Variants in STK31 observed in about 807,000 individuals in gnomAD.
STK31 encodes the protein serine/threonine kinase 31.
Under a neutral mutation model 129.7 loss-of-function variants are expected in STK31, and 89 were observed. That is an observed-to-expected ratio of 0.69 (90% CI 0.58 to 0.82). The LOEUF (loss-of-function observed/expected upper bound fraction) is 0.82. Ranked by LOEUF, STK31 falls within the 40% of genes least tolerant of loss-of-function variation. The pLI is 0.00. For synonymous variants in STK31, 448 were observed against 395.3 expected, an observed-to-expected ratio of 1.13 and a Z score of -1.58; for missense variants, 1,187 against 1,176.4, an observed-to-expected ratio of 1.01 and a Z score of -0.13.
Position 23,739,861 on chromosome 7 carries a change from G to A in STK31, c.1017+2783G>A, listed in dbSNP as rs966967719. On this transcript the variant is annotated intron_variant, in intron 8 of 23. Transcript: ENST00000355870. ...TCTGTTTTGGTACCAGTAGCATGCT[G>A]TTTTGGTTACTGTAGCCTTGTAGTA... Among the ~76,000 whole-genome samples the A allele has an allele frequency of 5.9e-5, 9 of 152,302 alleles. No individual in the cohort carries two copies. In the South Asian group the frequency reaches 1.2e-3, roughly 21 times the overall value.
chr7:23,820,837 A>G (rs1172611460), intron 23 of STK31, among the ~76,000 whole-genome samples: 1 of 152,224 alleles, frequency 6.6e-6, no homozygotes, highest in Non-Finnish European at 1.5e-5. Context: ...TTGTTGCTGA[A>G]AATGACAGAA....
At chr7:23,751,782 A>G (rs752440883) in intron 8 of STK31, among the ~76,000 whole-genome samples, 1 of 152,114 alleles carries the variant, frequency 6.6e-6, no homozygotes, top group Non-Finnish European at 1.5e-5. Context: ...GATCTTTTTG[A>G]TGAATTGACC....
Position 23,785,582 on chromosome 7 carries a change from TG to T in STK31, c.2256del (p.Gln753ArgfsTer2). On this transcript the variant is annotated frameshift_variant, in exon 18 of 24. Coordinates refer to ENST00000355870, the MANE Select transcript of STK31 (RefSeq NM_031414.5). LOFTEE classifies it high-confidence loss of function. ...GTCCTTTGGTACGTTCTGAGGTTAA[TG>T]GGCAGATAATTCTGTTAAAGGTAAG... is the stretch of plus-strand genomic sequence containing the variant. Reference protein sequence around the residue: ...KRPLVRSEVNGQIILLKGYSV... With the variant: ...KRPLVRSEVNXQIILLKGYSV... 1.2e-6 allele frequency: 2 copies of T among 1,613,578 alleles called. No individual in the cohort carries two copies. The highest frequency in any genetic ancestry group is 1.7e-6 in the Non-Finnish European group (2 of 1,179,604).
At chr7:23,808,585 G>C (rs552006475) in intron 22 of STK31, among the ~76,000 whole-genome samples, 1 of 152,162 alleles carries the variant, frequency 6.6e-6, no homozygotes, top group South Asian at 2.1e-4. Context: ...AGTAAGCCCT[G>C]TTCTGAGTCC....
At chr7:23,735,953 G>A in intron 7 of STK31, 57 bp downstream of exon 7, 4 of 1,392,490 alleles carry the variant, frequency 2.9e-6, no homozygotes, top group Non-Finnish European at 3.9e-6. Flanking sequence ...TGTCATAGTA[G>A]AATAGAAGTT....
intron 6 of STK31, 88 bp from the exon 7 acceptor site, chr7:23,735,450 A>G: frequency 8.4e-7 from 1 of 1,185,518 alleles, no homozygotes; most frequent in Non-Finnish European, 1.2e-6. Context: ...AGAATGAAGA[A>G]ATATGATGCT....
intron 22 of STK31, among the ~76,000 whole-genome samples, chr7:23,808,978 T>TGTGTGTGTGTGTGTGTGCGCGCGC (rs1792913812): frequency 6.7e-6 from 1 of 149,838 alleles, no homozygotes; most frequent in African/African-American, 2.5e-5. Flanking sequence ...TGTGCCTGTG[T>TGTGTGTGTGTGTGTGTGCGCGCGC]CTGTTGGCAT....
At position 23,786,584 on chromosome 7, in the gene STK31, C is replaced by G. The variant is rs1302732702; in HGVS notation, c.2351C>G (p.Ala784Gly). 3.7e-6 allele frequency: 6 copies of G among 1,613,646 alleles called. No individual in the cohort carries two copies. The African/African-American group carries it at 6.7e-5, about 18-fold the overall frequency. ...AATYHRAWRE[A>G]EGDSGLLPLI... ...ACCTACCATAGAGCTTGGAGAGAAG[C>G]TGAAGGAGACTCAGGGTTACTGCCA... Residue 784 changes from alanine (A) to glycine (G), a missense_variant, in exon 19 of 24, where the codon GCT becomes GGT. This residue lies in a region of STK31 where 975 missense variants were observed against 934.9 expected (regional missense o/e 1.04). Coordinates refer to ENST00000355870, the MANE Select transcript of STK31 (RefSeq NM_031414.5).
intron 20 of STK31, among the ~76,000 whole-genome samples, chr7:23,787,197 C>T (rs41275958): frequency 0.024 from 3,720 of 152,276 alleles, 85 homozygotes; most frequent in African/African-American, 0.061. Flanking sequence ...CCCAAACTTA[C>T]AACTGCTAAG....
chr7:23,752,404 C>T (rs1169550333), intron 8 of STK31, among the ~76,000 whole-genome samples: 1 of 147,008 alleles, frequency 6.8e-6, no homozygotes, highest in Non-Finnish European at 1.5e-5. Flanking sequence ...GGCTGGAGTG[C>T]TGTGGCACAA....
intron 10 of STK31, among the ~76,000 whole-genome samples, chr7:23,761,089 GA>G (rs1789432934): frequency 6.6e-6 from 1 of 152,120 alleles, no homozygotes; most frequent in Non-Finnish European, 1.5e-5. Context: ...CATGTAAGAT[GA>G]AAAGATGTAA....
chr7:23,769,052 G>C lies in STK31; in HGVS notation c.1474G>C (p.Asp492His). ...YGQAKEGANS[D>H]EILKKFYDWK... ...ACAAGCCAAAGAAGGAGCAAATTCT[G>C]ATGAAATACTTAAAAAATTTTATGA... Residue 492 changes from aspartate (D) to histidine (H), a missense_variant, in exon 12 of 24, where the codon GAT (aspartate) becomes CAT (histidine). Transcript: ENST00000355870. 2 of 1,613,128 alleles carry C rather than the reference G, an allele frequency of 1.2e-6. No homozygotes were observed. Among genetic ancestry groups the C allele is most frequent in the Non-Finnish European group, 8.5e-7 (1 of 1,179,386 alleles).
intron 22 of STK31, among the ~76,000 whole-genome samples, chr7:23,810,750 T>C (rs1793059727): frequency 7.6e-6 from 1 of 130,772 alleles, no homozygotes; most frequent in Non-Finnish European, 1.6e-5. Context: ...AAAATAGATA[T>C]ATATAATATA....
chr7:23,779,171 T>C (rs923745725), intron 15 of STK31, among the ~76,000 whole-genome samples: 2 of 152,312 alleles, frequency 1.3e-5, no homozygotes, highest in Admixed American at 1.3e-4. Flanking sequence ...CAGTGGAGAC[T>C]GCAGAACAGC....
chr7:23,750,067 T>TCCACCCCCCC (rs1554287953), intron 8 of STK31, among the ~76,000 whole-genome samples: 1 of 90,556 alleles, frequency 1.1e-5, no homozygotes, highest in Non-Finnish European at 2.3e-5. Flanking sequence ...ATGGTTTGTT[T>TCCACCCCCCC]CCCCCCCCGC....
intron 23 of STK31, among the ~76,000 whole-genome samples, chr7:23,821,483 A>G (rs376453860): frequency 6.6e-6 from 1 of 152,126 alleles, no homozygotes; most frequent in Non-Finnish European, 1.5e-5. Flanking sequence ...ATGTCTATTT[A>G]TGTCCTTTGC....
At chr7:23,738,217 T>C (rs1787833237) in intron 8 of STK31, among the ~76,000 whole-genome samples, 1 of 152,106 alleles carries the variant, frequency 6.6e-6, no homozygotes, top group Non-Finnish European at 1.5e-5. Context: ...ATTAAGGATA[T>C]AACTCAGAAA....
chr7:23,785,079 C>T (rs1393873518), intron 17 of STK31, among the ~76,000 whole-genome samples: 1 of 152,156 alleles, frequency 6.6e-6, no homozygotes, highest in African/African-American at 2.4e-5. Context: ...TTAGTGCACC[C>T]ATCACCTGAG....
In STK31 at chr7:23,729,346, T is replaced by C. The variant is rs1038724130; in HGVS notation, c.483+97T>C. On this transcript the variant is annotated intron_variant, in intron 6 of 23. Transcript: ENST00000355870. Reference sequence around the variant, plus strand: ...GTTAAATCTTACTTTAATATAAAAGTCTGTATAAATTAGTGAAAAATAGGA... The same window carrying C: ...GTTAAATCTTACTTTAATATAAAAGCCTGTATAAATTAGTGAAAAATAGGA... 30 of 1,139,758 alleles carry C rather than the reference T, an allele frequency of 2.6e-5. 1 individual carries two copies. Among genetic ancestry groups the C allele is most frequent in the Non-Finnish European group, 3.6e-5 (30 of 842,234 alleles). 70.6% of individuals were successfully genotyped at this position (1,139,758 alleles called of 1,614,324 possible).
Sources: allele counts gnomAD v4.1 joint callset (sites outside exome capture counted in the v4.1 genomes callset), GRCh38; gene constraint gnomAD v4.1.1; regional missense constraint gnomAD v4.1.1; transcripts MANE v1.5; gene names NCBI Gene and HGNC (gene_info 2026-07-23, HGNC 2026-07-21).